Variants in TMEM232 observed in about 807,000 individuals in gnomAD.
The protein encoded by TMEM232 is transmembrane protein 232.
A neutral mutation model predicts 78.8 loss-of-function variants in TMEM232; 80 were observed. The observed-to-expected ratio is 1.01, with a 90% CI of 0.85 to 1.22. The LOEUF (loss-of-function observed/expected upper bound fraction) is 1.22, where lower values mean the gene tolerates loss of function less well. Among genes scored for constraint, TMEM232 ranks in the 50% most tolerant of loss-of-function variants. The pLI, the probability that TMEM232 is intolerant of heterozygous loss-of-function variation, is 0.00. For synonymous variants in TMEM232, 297 were observed against 254.3 expected, an observed-to-expected ratio of 1.17 and a Z score of -1.60; for missense variants, 881 against 742.2, an observed-to-expected ratio of 1.19 and a Z score of -2.17.
At chr5:110,504,198 A>G (rs565751543) in intron 12 of TMEM232, among the ~76,000 whole-genome samples, 1 of 152,304 alleles carries the variant, frequency 6.6e-6, no homozygotes, top group African/African-American at 2.4e-5. Context: ...AAATATGAGC[A>G]TTTCACAATC....
intron 10 of TMEM232, among the ~76,000 whole-genome samples, chr5:110,602,190 A>T (rs1216906957): frequency 6.6e-6 from 1 of 152,136 alleles, no homozygotes; most frequent in Non-Finnish European, 1.5e-5. Context: ...AACCACAAAA[A>T]CCCTAGAAGA....
At chr5:110,504,479 T>C (rs1472312189) in intron 12 of TMEM232, among the ~76,000 whole-genome samples, 1 of 152,132 alleles carries the variant, frequency 6.6e-6, no homozygotes, top group African/African-American at 2.4e-5. Context: ...TAAACAAACA[T>C]GTATATACAT....
At chr5:110,665,299 G>A (rs1432000270) in intron 2 of TMEM232, among the ~76,000 whole-genome samples, 1 of 152,086 alleles carries the variant, frequency 6.6e-6, no homozygotes, top group Non-Finnish European at 1.5e-5. Context: ...CGTGTTCCAT[G>A]AGTTCATTCT....
At chr5:110,414,969 T>C (rs1423569404), downstream of TMEM232, among the ~76,000 whole-genome samples, 1 of 152,178 alleles carries the variant, frequency 6.6e-6, no homozygotes, top group Non-Finnish European at 1.5e-5. Flanking sequence ...CATTTGCTTC[T>C]TTGCTTCTCT....
At chr5:110,717,202 C>T (rs1797100708) in intron 1 of TMEM232, among the ~76,000 whole-genome samples, 1 of 151,514 alleles carries the variant, frequency 6.6e-6, no homozygotes, top group African/African-American at 2.4e-5. Context: ...CACATACACA[C>T]ACACAATGTA....
At chr5:110,537,277 TTATATA>T (rs377459137) in intron 11 of TMEM232, among the ~76,000 whole-genome samples, 2 of 142,554 alleles carry the variant, frequency 1.4e-5, no homozygotes, top group South Asian at 2.1e-4. Context: ...AAGAGAAAAC[TTATATA>T]TATATATATT....
chr5:110,623,182 G>T (rs1335656977), intron 7 of TMEM232, among the ~76,000 whole-genome samples: 1 of 151,808 alleles, frequency 6.6e-6, no homozygotes, highest in Non-Finnish European at 1.5e-5. Flanking sequence ...AGAGAAATGG[G>T]GTCCAACAGC....
intron 12 of TMEM232, among the ~76,000 whole-genome samples, chr5:110,461,892 A>T (rs970955366): frequency 3.9e-5 from 6 of 152,228 alleles, no homozygotes; most frequent in African/African-American, 1.4e-4. Context: ...GTTCCTAAAA[A>T]AAAATGTATT....
chr5:110,586,438 G>A (rs984437282), intron 10 of TMEM232, among the ~76,000 whole-genome samples: 1 of 151,800 alleles, frequency 6.6e-6, no homozygotes, highest in African/African-American at 2.4e-5. Context: ...TGTGGTTATG[G>A]TACTTAATAA....
intron 12 of TMEM232, among the ~76,000 whole-genome samples, chr5:110,474,949 A>G (rs183337768): frequency 6.6e-6 from 1 of 152,058 alleles, no homozygotes; most frequent in Admixed American, 6.6e-5. Flanking sequence ...TATTGAAACA[A>G]TTTTTCAGTG....
chr5:110,602,473 G>T (rs1320971429), intron 10 of TMEM232, among the ~76,000 whole-genome samples: 1 of 151,940 alleles, frequency 6.6e-6, no homozygotes, highest in Non-Finnish European at 1.5e-5. Context: ...ATCAACAAGT[G>T]GGCAAAGGAT....
At chr5:110,685,317 G>C (rs1793262369) in intron 1 of TMEM232, among the ~76,000 whole-genome samples, 1 of 151,902 alleles carries the variant, frequency 6.6e-6, no homozygotes, top group Admixed American at 6.6e-5. Flanking sequence ...CAGCAAAGTA[G>C]ACCCCAAAAA....
intron 12 of TMEM232, among the ~76,000 whole-genome samples, chr5:110,491,885 A>T (rs1765134826): frequency 6.6e-6 from 1 of 151,946 alleles, no homozygotes; most frequent in Admixed American, 6.6e-5. Flanking sequence ...TAGAGATTAA[A>T]ATAAATTATA....
chr5:110,686,210 C>CACTA (rs1402082598), intron 1 of TMEM232, among the ~76,000 whole-genome samples: 1 of 151,968 alleles, frequency 6.6e-6, no homozygotes, highest in Non-Finnish European at 1.5e-5. Flanking sequence ...AGTTGACTAA[C>CACTA]AGAATGTGGC....
intron 12 of TMEM232, among the ~76,000 whole-genome samples, chr5:110,503,694 C>T (rs192075983): frequency 6.6e-6 from 1 of 152,256 alleles, no homozygotes; most frequent in East Asian, 1.9e-4. Flanking sequence ...TTAATTTAAA[C>T]AAGATCTTTG....
intron 10 of TMEM232, 128 bp downstream of exon 10, chr5:110,604,981 C>T: frequency 8.8e-7 from 1 of 1,132,766 alleles, no homozygotes; most frequent in Non-Finnish European, 1.2e-6. Context: ...CTATATTCTT[C>T]CAAAATTTGT....
intron 12 of TMEM232, among the ~76,000 whole-genome samples, chr5:110,480,257 G>GA (rs1763717367): frequency 6.6e-6 from 1 of 151,714 alleles, no homozygotes. Flanking sequence ...CAGAGATTAA[G>GA]AAAAAATAAC....
chr5:110,488,480 A>G (rs1229087249), intron 12 of TMEM232, among the ~76,000 whole-genome samples: 2 of 152,116 alleles, frequency 1.3e-5, no homozygotes, highest in Admixed American at 6.6e-5. Context: ...TAAATAAGCA[A>G]TTGGTTCAAG....
rs369918419 is a variant in TMEM232, at chr5:110,474,468, T to G, written c.1704-49552A>C. Among the ~76,000 whole-genome samples the G allele has an allele frequency of 6.6e-5, 10 of 151,722 alleles. 1 individual carries two copies. In the East Asian group the frequency reaches 7.7e-4, roughly 12 times the overall value. On this transcript the variant is annotated intron_variant, in intron 12 of 13. Transcript: ENST00000455884. ...GCTAATATCACCTTTAATGGTGATT[T>G]ACTCAGACCTTTACCCATGATATTG... is the stretch of plus-strand genomic sequence containing the variant.
Sources: gnomAD v4.1 joint callset for allele counts (sites outside exome capture counted in the v4.1 genomes callset) on GRCh38, gnomAD v4.1.1 for gene constraint, MANE v1.5 for transcripts, NCBI Gene and HGNC (gene_info 2026-07-23, HGNC 2026-07-21) for gene names.